Variants in KIF23 observed in about 807,000 individuals in gnomAD.
KIF23 encodes the protein kinesin family member 23, also known as kinesin-like protein KIF23.
KIF23 carries 30 observed loss-of-function variants against 137.5 expected under a neutral mutation model. The ratio of observed to expected loss-of-function variants is 0.22; its 90% CI spans 0.16 to 0.30. The LOEUF (loss-of-function observed/expected upper bound fraction) is 0.30. Ranked by LOEUF, KIF23 falls within the 10% of genes least tolerant of loss-of-function variation. KIF23 has a pLI of 1.00. For missense variants in KIF23, 920 were observed against 1,194.3 expected (o/e 0.77, Z 3.38); for synonymous variants, 367 against 391.1 (o/e 0.94, Z 0.73).
intron 9 of KIF23, 71 bp downstream of exon 9, chr15:69,426,253 G>A: frequency 6.3e-7 from 1 of 1,596,782 alleles, no homozygotes; most frequent in Non-Finnish European, 8.5e-7. Flanking sequence ...AAGTTTGATG[G>A]CAATTTTTTT....
Position 69,435,729 on chromosome 15 carries a change from C to T in KIF23, c.1272C>T (p.Ile424=), listed in dbSNP as rs751960615. 13 of 1,613,974 alleles carry T rather than the reference C, an allele frequency of 8.1e-6. No individual in the cohort carries two copies. Among genetic ancestry groups the T allele is most frequent in the Non-Finnish European group, 1.0e-5 (12 of 1,180,024 alleles). ...ATGGGGAAGGAAAAGTGCGGATGATCGTGTGTGTGAACCCCAAGGCTGAAG... is the reference window on the plus strand; with the variant it reads ...ATGGGGAAGGAAAAGTGCGGATGATTGTGTGTGTGAACCCCAAGGCTGAAG... ...YFDGEGKVRM[I]VCVNPKAEDY... Residue 424 remains isoleucine (I), a synonymous_variant, in exon 13 of 24, where the codon ATC becomes ATT. Coordinates refer to ENST00000679126, the MANE Select transcript of KIF23 (RefSeq NM_001367805.3).
intron 13 of KIF23, 112 bp from the exon 14 acceptor site, chr15:69,436,026 G>T: frequency 7.1e-7 from 1 of 1,410,070 alleles, no homozygotes; most frequent in East Asian, 2.4e-5. Flanking sequence ...ACTCCAGCCT[G>T]GTGACAGACT....
At chr15:69,421,522 C>A (rs963109570) in intron 3 of KIF23, 125 bp from the exon 4 acceptor site, 1 of 600,300 alleles carries the variant, frequency 1.7e-6, no homozygotes, top group Non-Finnish European at 3.0e-6. Context: ...GTAAAAAGAC[C>A]ATTTATATTT....
At chr15:69,435,353 C>A in intron 11 of KIF23, 130 bp from the exon 12 acceptor site, 1 of 684,812 alleles carries the variant, frequency 1.5e-6, no homozygotes, top group Non-Finnish European at 2.4e-6. Context: ...TTATATTGAG[C>A]CACAAAAATT....
At chr15:69,441,514 A>G (rs184838280) in intron 19 of KIF23, among the ~76,000 whole-genome samples, 14 of 152,278 alleles carry the variant, frequency 9.2e-5, no homozygotes, top group Middle Eastern at 3.4e-3. Context: ...TTCAGACCCA[A>G]AGCAAAGTAG....
Position 69,444,999 on chromosome 15 carries a change from G to C in KIF23, c.2631G>C (p.Gln877His), listed in dbSNP as rs557709700. 1.2e-6 allele frequency: 2 copies of C among 1,614,088 alleles called. No individual in the cohort carries two copies. Among genetic ancestry groups the C allele is most frequent in the South Asian group, 2.2e-5 (2 of 91,076 alleles). Residue 877 changes from glutamine to histidine, a missense_variant, in exon 20 of 24, where the codon CAG becomes CAC. Around this residue, in one of 4 missense-constraint regions of KIF23, gnomAD observed 75 missense variants for 177.9 expected, o/e 0.42. Coordinates refer to ENST00000679126, the MANE Select transcript of KIF23 (RefSeq NM_001367805.3). This position sits in a 1 kb window ranked among gnomAD's most constrained non-coding sequence, Gnocchi z 4.2. Reference protein sequence around the residue: ...AKCEKYMLTHQELASDGEIET... With the variant: ...AKCEKYMLTHHELASDGEIET... ...GTGAGAAGTACATGCTGACCCACCAGGAACTAGCCTCCGATGGGGAGATTG... is the reference window on the plus strand; with the variant it reads ...GTGAGAAGTACATGCTGACCCACCACGAACTAGCCTCCGATGGGGAGATTG...
intron 15 of KIF23, among the ~76,000 whole-genome samples, chr15:69,437,937 G>A (rs985574765): frequency 2.6e-5 from 4 of 152,198 alleles, no homozygotes; most frequent in African/African-American, 9.7e-5. Context: ...ATCCCAAATA[G>A]TAGTGTTGTT....
chr15:69,429,699 C>T lies in KIF23; in HGVS notation c.1114+486C>T, dbSNP rs144942300. On this transcript the variant is annotated intron_variant, in intron 11 of 23. Transcript: ENST00000679126. The stretch of plus-strand genomic sequence containing the variant: ...GGTTTGGTATTAATCTATTACAATA[C>T]ACTGATTTCTTTAAGAATGAGGAAA... Among the ~76,000 whole-genome samples, 4 of 152,222 alleles carry T rather than the reference C, an allele frequency of 2.6e-5. No individual in the cohort carries two copies. The East Asian group carries it at 7.7e-4, about 29-fold the overall frequency.
chr15:69,426,274 G>A lies in KIF23; in HGVS notation c.890-62G>A. 3 of 1,603,850 alleles carry A rather than the reference G, an allele frequency of 1.9e-6. No homozygotes were observed. In the Admixed American group the frequency reaches 5.3e-5, roughly 28 times the overall value. Reference sequence around the variant, plus strand: ...GATGGCAATTTTTTTTGACTTATTAGAAAGCATGTATAATGAAATGACTGA... The same window carrying A: ...GATGGCAATTTTTTTTGACTTATTAAAAAGCATGTATAATGAAATGACTGA... On this transcript the variant is annotated intron_variant, in intron 9 of 23. Transcript: ENST00000679126.
intron 15 of KIF23, among the ~76,000 whole-genome samples, chr15:69,437,456 C>CTTTTTTT (rs772460557): frequency 1.7e-5 from 2 of 120,562 alleles, no homozygotes; most frequent in Non-Finnish European, 3.4e-5. Context: ...AATGTATCTA[C>CTTTTTTT]TTTTTTTTTT....
At chr15:69,437,456 CTTTTTTTTTTTTTT>C (rs772460557) in intron 15 of KIF23, among the ~76,000 whole-genome samples, 1 of 120,562 alleles carries the variant, frequency 8.3e-6, no homozygotes, top group Non-Finnish European at 1.7e-5. Context: ...AATGTATCTA[CTTTTTTTTTTTTTT>C]TTTTTTTTGA....
At chr15:69,437,024 G>A (rs374062816) in intron 15 of KIF23, among the ~76,000 whole-genome samples, 32 of 152,174 alleles carry the variant, frequency 2.1e-4, no homozygotes, top group African/African-American at 7.5e-4. Flanking sequence ...TAAAGTGCTG[G>A]GATTACAGGC....
intron 7 of KIF23, 84 bp downstream of exon 7, chr15:69,423,413 G>T (rs994579606): frequency 2.4e-6 from 2 of 835,550 alleles, no homozygotes; most frequent in African/African-American, 1.8e-5. Flanking sequence ...CTTCAGTTAT[G>T]AAAGAGAATA....
At chr15:69,446,243 A>T in intron 21 of KIF23, 40 bp from the exon 22 acceptor site, 1 of 1,571,338 alleles carries the variant, frequency 6.4e-7, no homozygotes, top group Non-Finnish European at 8.8e-7. Context: ...CTCTTCTTAG[A>T]TGGAAAAATA....
chr15:69,414,740 C>G, intron 1 of KIF23: 1 of 382,896 alleles, frequency 2.6e-6, no homozygotes, highest in Non-Finnish European at 4.6e-6. Context: ...GGCCCGGAGC[C>G]GGGGTTGTTT....
chr15:69,421,954 T>C, intron 4 of KIF23, 38 bp from the exon 5 acceptor site: 1 of 1,606,510 alleles, frequency 6.2e-7, no homozygotes, highest in Non-Finnish European at 8.5e-7. Context: ...AGTGGAGAAC[T>C]TCTAAGATAT....
chr15:69,416,154 A>G, intron 2 of KIF23, 91 bp downstream of exon 2: 1 of 770,512 alleles, frequency 1.3e-6, no homozygotes, highest in Non-Finnish European at 2.0e-6. Context: ...AAGGGAAAGA[A>G]GAAGACATGT....
At chr15:69,436,289 C>T (rs746758942) in intron 14 of KIF23, 28 bp downstream of exon 14, 1 of 1,602,828 alleles carries the variant, frequency 6.2e-7, no homozygotes, top group Non-Finnish European at 8.5e-7. Context: ...ATCATTTGTC[C>T]ACTCATTGGT....
intron 1 of KIF23, among the ~76,000 whole-genome samples, chr15:69,415,422 A>C (rs1256689349): frequency 6.6e-6 from 1 of 152,232 alleles, no homozygotes; most frequent in Non-Finnish European, 1.5e-5. Flanking sequence ...ATGTGAAGGG[A>C]AAAAGATGAG....
Sources: gnomAD v4.1 joint callset for allele counts (sites outside exome capture counted in the v4.1 genomes callset) on GRCh38, gnomAD v4.1.1 for gene constraint, gnomAD v4.1.1 regional missense constraint, Gnocchi (gnomAD v3.1) non-coding constraint, MANE v1.5 for transcripts, NCBI Gene and HGNC (gene_info 2026-07-23, HGNC 2026-07-21) for gene names.